RBFOX2: variants seen among roughly 807,000 people sequenced by gnomAD.
The protein encoded by RBFOX2 is RNA binding fox-1 homolog 2, also known as RNA binding protein fox-1 homolog 2.
In RBFOX2, 10 loss-of-function variants were observed where a neutral mutation model predicts 49.1. That is an observed-to-expected ratio of 0.20 (90% CI 0.13 to 0.35). The LOEUF is 0.35. Ranked by LOEUF, RBFOX2 falls within the 10% of genes least tolerant of loss-of-function variation. The pLI is 1.00. For synonymous variants in RBFOX2, 183 were observed against 187.4 expected (o/e 0.98, Z 0.19); for missense variants, 323 against 486.9 (o/e 0.66, Z 3.17).
At chr22:35,863,807 T>C (rs1382656184) in intron 1 of RBFOX2, among the ~76,000 whole-genome samples, 1 of 152,210 alleles carries the variant, frequency 6.6e-6, no homozygotes, top group Non-Finnish European at 1.5e-5. Context: ...ATTCCCTTTA[T>C]GATAAAGGAG....
At chr22:35,889,613 A>T (rs1017983022) in intron 1 of RBFOX2, among the ~76,000 whole-genome samples, 11 of 152,100 alleles carry the variant, frequency 7.2e-5, no homozygotes, top group Non-Finnish European at 7.4e-5. Context: ...GTATCTTTTT[A>T]AAAAATCTAA....
chr22:36,022,147 G>A (rs939994751), intron 1 of RBFOX2, among the ~76,000 whole-genome samples: 2 of 152,164 alleles, frequency 1.3e-5, no homozygotes, highest in Non-Finnish European at 2.9e-5. Flanking sequence ...TTACTAAAAT[G>A]ACTGTCTTTT....
At chr22:35,834,403 A>G (rs1957300320) in intron 1 of RBFOX2, among the ~76,000 whole-genome samples, 1 of 152,234 alleles carries the variant, frequency 6.6e-6, no homozygotes, top group Non-Finnish European at 1.5e-5. Flanking sequence ...TGTTCTACAC[A>G]CTGGGAATAC....
rs551667743 is a variant in RBFOX2 at position 35,858,583 on chromosome 22, T to C, written c.-33-48579A>G. 2.6e-4 allele frequency among the ~76,000 whole-genome samples: 40 copies of C among 152,176 alleles called. 1 individual carries two copies. In the South Asian group the frequency reaches 7.5e-3, roughly 28 times the overall value. On this transcript the variant is annotated intron_variant, in intron 1 of 13. Transcript: ENST00000359369. ...GCTCAGGCCTGTAATCCCAGCACTT[T>C]AGGAAGTCGAGGTGGGTGGATCATT...
chr22:35,757,143 G>A (rs537685314), intron 9 of RBFOX2, among the ~76,000 whole-genome samples: 1 of 151,478 alleles, frequency 6.6e-6, no homozygotes, highest in Non-Finnish European at 1.5e-5. Flanking sequence ...ATACATCTGA[G>A]AAGGTAGCTG....
intron 1 of RBFOX2, among the ~76,000 whole-genome samples, chr22:35,863,091 G>C (rs2043280054): frequency 6.6e-6 from 1 of 152,038 alleles, no homozygotes; most frequent in East Asian, 1.9e-4. Context: ...AAGTCAGCTG[G>C]GGGGCAGGGG....
At chr22:35,968,094 A>C (rs2056667053) in intron 1 of RBFOX2, among the ~76,000 whole-genome samples, 1 of 152,098 alleles carries the variant, frequency 6.6e-6, no homozygotes. Context: ...TTTCTTCCTG[A>C]TCTTAGAGAA....
intron 1 of RBFOX2, among the ~76,000 whole-genome samples, chr22:35,857,766 CAGAT>C (rs1603418394): frequency 1.3e-5 from 2 of 152,266 alleles, no homozygotes; most frequent in African/African-American, 4.8e-5. Flanking sequence ...GAGACACAGA[CAGAT>C]AGAAGGCAAA....
chr22:35,835,815 C>T (rs935431489), intron 1 of RBFOX2, among the ~76,000 whole-genome samples: 1 of 152,044 alleles, frequency 6.6e-6, no homozygotes, highest in East Asian at 1.9e-4. Context: ...TTCAAGAAAG[C>T]TAAGTAATTT....
intron 2 of RBFOX2, among the ~76,000 whole-genome samples, chr22:35,788,450 A>G (rs1297628229): frequency 2.0e-5 from 3 of 152,190 alleles, no homozygotes; most frequent in Non-Finnish European, 4.4e-5. Context: ...TGAGGCTAAC[A>G]GAGAAAAAAA....
At chr22:35,828,443 C>G (rs1956192624) in intron 1 of RBFOX2, among the ~76,000 whole-genome samples, 1 of 152,118 alleles carries the variant, frequency 6.6e-6, no homozygotes, top group Non-Finnish European at 1.5e-5. Flanking sequence ...CAAGACAGCA[C>G]AGGGGACGGT....
chr22:35,777,110 C>T (rs897894356), intron 4 of RBFOX2, among the ~76,000 whole-genome samples: 1 of 151,328 alleles, frequency 6.6e-6, no homozygotes, highest in Non-Finnish European at 1.5e-5. Flanking sequence ...CTCCTGGGTT[C>T]AAGTGATTCT....
At chr22:36,009,560 T>C (rs1005502461) in intron 1 of RBFOX2, among the ~76,000 whole-genome samples, 1 of 152,096 alleles carries the variant, frequency 6.6e-6, no homozygotes, top group Non-Finnish European at 1.5e-5. Flanking sequence ...TTTTTGTTTT[T>C]TGTTTTTTTG....
intron 1 of RBFOX2, among the ~76,000 whole-genome samples, chr22:35,867,471 C>T (rs1297307178): frequency 6.6e-6 from 1 of 152,168 alleles, no homozygotes; most frequent in Non-Finnish European, 1.5e-5. Context: ...ATTGTATGGG[C>T]TTTACAATGT....
chr22:35,951,632 G>GA (rs200649457), intron 1 of RBFOX2, among the ~76,000 whole-genome samples: 11,753 of 151,708 alleles, frequency 0.077, 473 homozygotes, highest in South Asian at 0.086. Context: ...CAAGTGAGCT[G>GA]AAAAAAAATG....
At chr22:36,010,454 C>A (rs983263111) in intron 1 of RBFOX2, among the ~76,000 whole-genome samples, 2 of 152,070 alleles carry the variant, frequency 1.3e-5, no homozygotes, top group African/African-American at 4.8e-5. Context: ...ACCACAAAGA[C>A]TGCACGGTGA....
intron 9 of RBFOX2, among the ~76,000 whole-genome samples, chr22:35,756,666 T>C (rs943890472): frequency 8.5e-5 from 13 of 152,164 alleles, no homozygotes; most frequent in Non-Finnish European, 1.6e-4. Flanking sequence ...GTTTTCAGTA[T>C]TGTAATAATA....
At chr22:35,809,725 A>T in intron 2 of RBFOX2, 55 bp downstream of exon 3, 1 of 1,562,294 alleles carries the variant, frequency 6.4e-7, no homozygotes, top group South Asian at 1.1e-5. Context: ...TTAAGGCGAC[A>T]ATTTCTATAT....
At chr22:35,789,485 A>G (rs1358606430) in intron 2 of RBFOX2, among the ~76,000 whole-genome samples, 1 of 152,108 alleles carries the variant, frequency 6.6e-6, no homozygotes, top group African/African-American at 2.4e-5. Flanking sequence ...AGAGGTTGCA[A>G]TGAGCTGAGA....
Sources: allele counts gnomAD v4.1 joint callset (sites outside exome capture counted in the v4.1 genomes callset), GRCh38; gene constraint gnomAD v4.1.1; transcripts MANE v1.5; gene names NCBI Gene and HGNC (gene_info 2026-07-23, HGNC 2026-07-21).